CFAP54: variants seen among roughly 807,000 people sequenced by gnomAD.
CFAP54 encodes the protein cilia and flagella associated protein 54, also known as cilia- and flagella-associated protein 54.
In CFAP54, 290 loss-of-function variants were observed where a neutral mutation model predicts 370.4. That is an observed-to-expected ratio of 0.78 (90% CI 0.71 to 0.86). The LOEUF (loss-of-function observed/expected upper bound fraction) is 0.86, where lower values mean the gene tolerates loss of function less well. CFAP54 is among the 40% of genes least tolerant of loss of function. The pLI is 0.00. For synonymous variants in CFAP54, 1,206 were observed against 1,236.5 expected, an observed-to-expected ratio of 0.98 and a Z score of 0.52; for missense variants, 3,399 against 3,528.7, an observed-to-expected ratio of 0.96 and a Z score of 0.93.
intron 65 of CFAP54, among the ~76,000 whole-genome samples, chr12:96,827,712 A>T (rs1959133648): frequency 1.6e-5 from 2 of 127,066 alleles, no homozygotes; most frequent in South Asian, 4.6e-4. Flanking sequence ...TATTATATAT[A>T]ATTATATATA....
chr12:96,854,589 G>T (rs1038043813), intron 66 of CFAP54, among the ~76,000 whole-genome samples: 12 of 151,960 alleles, frequency 7.9e-5, no homozygotes, highest in Non-Finnish European at 1.6e-4. Flanking sequence ...ATAAAAACTA[G>T]AAAAAAACTC....
chr12:96,549,569 A>G (rs1592845894), intron 15 of CFAP54, among the ~76,000 whole-genome samples: 1 of 152,280 alleles, frequency 6.6e-6, no homozygotes, highest in African/African-American at 2.4e-5. Context: ...TTTCTTTGGC[A>G]TGGTTGAAGA....
rs776177946 is a variant in CFAP54, at chr12:96,513,054, G to A, written c.798+10G>A. The A allele has an allele frequency of 3.4e-6, 5 of 1,463,294 alleles. No individual in the cohort carries two copies. In the African/African-American group the frequency reaches 5.6e-5, roughly 17 times the overall value. The allele number at this position is 1,463,294 out of a possible 1,614,324, so 90.6% of individuals were successfully genotyped here. On this transcript the variant is annotated intron_variant, in intron 5 of 67. Coordinates refer to ENST00000524981, the MANE Select transcript of CFAP54 (RefSeq NM_001306084.2). ...AGGTCAGTCTTCCAAGGTATGAAAT[G>A]TACTGACAAAATATTTTCCCCTCTA... is the stretch of plus-strand genomic sequence containing the variant.
chr12:96,536,220 G>A (rs896953888), intron 12 of CFAP54, among the ~76,000 whole-genome samples: 1 of 152,170 alleles, frequency 6.6e-6, no homozygotes, highest in East Asian at 1.9e-4. Context: ...TTCTGTTCCT[G>A]TGTTAGTTTG....
At chr12:96,768,611 G>A (rs762049197) in intron 60 of CFAP54, among the ~76,000 whole-genome samples, 11 of 151,662 alleles carry the variant, frequency 7.3e-5, no homozygotes, top group East Asian at 3.9e-4. Flanking sequence ...CCGAGATCAC[G>A]CCACTCACTG....
chr12:96,638,343 C>A (rs2136484416), intron 32 of CFAP54, among the ~76,000 whole-genome samples: 1 of 151,482 alleles, frequency 6.6e-6, no homozygotes, highest in South Asian at 2.1e-4. Context: ...AAGCGCGATC[C>A]TCCTACTTCA....
At chr12:96,619,727 A>G (rs1415437416) in intron 26 of CFAP54, among the ~76,000 whole-genome samples, 2 of 152,230 alleles carry the variant, frequency 1.3e-5, no homozygotes, top group Non-Finnish European at 1.5e-5. Context: ...GGACCTAAAT[A>G]TGTCAGAAAG....
At chr12:96,571,313 A>G (rs562132235) in intron 19 of CFAP54, among the ~76,000 whole-genome samples, 2 of 152,316 alleles carry the variant, frequency 1.3e-5, no homozygotes, top group East Asian at 3.9e-4. Flanking sequence ...TTGGACTTCA[A>G]TACTGTGGTT....
intron 28 of CFAP54, among the ~76,000 whole-genome samples, chr12:96,624,922 A>T (rs888907103): frequency 2.6e-5 from 4 of 152,194 alleles, no homozygotes; most frequent in Admixed American, 1.3e-4. Flanking sequence ...ATATATATAA[A>T]GTATAATTCC....
intron 19 of CFAP54, among the ~76,000 whole-genome samples, chr12:96,566,439 C>T (rs940386379): frequency 6.6e-6 from 1 of 152,034 alleles, no homozygotes; most frequent in Admixed American, 6.6e-5. Context: ...ATGTGGTGTT[C>T]TTAATGACAG....
intron 33 of CFAP54, chr12:96,645,731 G>A (rs1956781150): frequency 6.6e-6 from 1 of 152,304 alleles, no homozygotes; most frequent in African/African-American, 2.4e-5. Context: ...GAAACAGCAT[G>A]GTACTGGTAC....
chr12:96,770,061 C>G (rs960896796), intron 60 of CFAP54, among the ~76,000 whole-genome samples: 1 of 152,138 alleles, frequency 6.6e-6, no homozygotes, highest in Non-Finnish European at 1.5e-5. Flanking sequence ...TTCTGTTTTC[C>G]TATTCCTCTA....
chr12:96,793,566 TAGTC>T (rs1324844222), intron 63 of CFAP54, among the ~76,000 whole-genome samples: 1 of 152,186 alleles, frequency 6.6e-6, no homozygotes, highest in African/African-American at 2.4e-5. Flanking sequence ...TCTGGGTAGA[TAGTC>T]AGTAGTGGGA....
chr12:96,702,132 AG>A (rs1957498392), intron 46 of CFAP54, among the ~76,000 whole-genome samples: 1 of 152,190 alleles, frequency 6.6e-6, no homozygotes, highest in Non-Finnish European at 1.5e-5. Flanking sequence ...TGTAAGAGAA[AG>A]GAGGCAAGGA....
At chr12:96,572,711 C>G (rs970373895) in intron 19 of CFAP54, among the ~76,000 whole-genome samples, 7 of 152,134 alleles carry the variant, frequency 4.6e-5, no homozygotes, top group Non-Finnish European at 7.4e-5. Context: ...TCTTGCTGTA[C>G]TTTGGAATTA....
At chr12:96,803,341 C>G (rs1958842566) in intron 63 of CFAP54, among the ~76,000 whole-genome samples, 1 of 152,062 alleles carries the variant, frequency 6.6e-6, no homozygotes, top group African/African-American at 2.4e-5. Flanking sequence ...TGTTTCCTGA[C>G]TTTTTGATGA....
chr12:96,831,273 A>T (rs912558513), intron 66 of CFAP54, among the ~76,000 whole-genome samples: 2 of 152,240 alleles, frequency 1.3e-5, no homozygotes, highest in South Asian at 2.1e-4. Flanking sequence ...AATAGACAGT[A>T]AACAAATCAA....
intron 50 of CFAP54, among the ~76,000 whole-genome samples, chr12:96,722,578 G>A (rs568659394): frequency 3.7e-4 from 56 of 152,278 alleles, no homozygotes; most frequent in Non-Finnish European, 7.2e-4. Flanking sequence ...CTGACTTTGA[G>A]TGAAGTGGGG....
At position 96,490,844 on chromosome 12, in the gene CFAP54, A is replaced by C. The variant is rs1304610773; in HGVS notation, c.317+918A>C. ...CATATAAGAATCCATGTCCTTATAG[A>C]GCATATGTTTTTGTGGGTATAAACA... On this transcript the variant is annotated intron_variant, in intron 1 of 67. Transcript: ENST00000524981. Among the ~76,000 whole-genome samples the C allele has an allele frequency of 2.0e-5, 3 of 152,296 alleles. No homozygotes were observed. In the East Asian group the frequency reaches 5.8e-4, roughly 29 times the overall value.
Sources: gnomAD v4.1 joint callset for allele counts (sites outside exome capture counted in the v4.1 genomes callset) on GRCh38, gnomAD v4.1.1 for gene constraint, MANE v1.5 for transcripts, NCBI Gene and HGNC (gene_info 2026-07-23, HGNC 2026-07-21) for gene names.